Variants in THSD7B observed in about 807,000 individuals in gnomAD.
THSD7B encodes thrombospondin type 1 domain containing 7B, also known as thrombospondin type-1 domain-containing protein 7B.
In THSD7B, 138 loss-of-function variants were observed where a neutral mutation model predicts 213.6. The ratio of observed to expected loss-of-function variants is 0.65; its 90% CI spans 0.56 to 0.74. The LOEUF (loss-of-function observed/expected upper bound fraction) is 0.74. Ranked by LOEUF, THSD7B falls within the 30% of genes least tolerant of loss-of-function variation. The probability of loss-of-function intolerance (pLI) is 0.00; values close to 1 mark genes in which losing one functional copy is unlikely to be tolerated. For synonymous variants in THSD7B, 742 were observed against 687.0 expected (o/e 1.08, Z -1.25); for missense variants, 1,931 against 1,991.5 (o/e 0.97, Z 0.58).
At chr2:137,572,183 C>T (rs1439102788) in intron 16 of THSD7B, among the ~76,000 whole-genome samples, 1 of 152,182 alleles carries the variant, frequency 6.6e-6, no homozygotes, top group Non-Finnish European at 1.5e-5. Flanking sequence ...TGCCTCTAGT[C>T]TTTCCATTGT....
chr2:137,566,567 T>C (rs569149653), intron 16 of THSD7B, among the ~76,000 whole-genome samples: 117 of 152,304 alleles, frequency 7.7e-4, no homozygotes, highest in Non-Finnish European at 1.1e-3. Context: ...TGCCATGCAG[T>C]ATCCACCTCT....
chr2:137,519,119 G>C (rs899906766), intron 15 of THSD7B, among the ~76,000 whole-genome samples: 10 of 152,238 alleles, frequency 6.6e-5, no homozygotes, highest in Admixed American at 3.3e-4. Flanking sequence ...TGGTGTGGTG[G>C]CGTGCGCCTA....
At chr2:137,505,396 G>T (rs1679810962) in intron 15 of THSD7B, among the ~76,000 whole-genome samples, 1 of 152,210 alleles carries the variant, frequency 6.6e-6, no homozygotes, top group Non-Finnish European at 1.5e-5. Flanking sequence ...TGGACCACAG[G>T]TTGGGTCACA....
At chr2:137,561,344 A>C (rs564671748) in intron 15 of THSD7B, among the ~76,000 whole-genome samples, 1 of 152,176 alleles carries the variant, frequency 6.6e-6, no homozygotes, top group South Asian at 2.1e-4. Flanking sequence ...TCTAAGTTCT[A>C]CTTAGTATTG....
At chr2:137,517,542 G>A (rs1192578460) in intron 15 of THSD7B, among the ~76,000 whole-genome samples, 1 of 152,326 alleles carries the variant, frequency 6.6e-6, no homozygotes, top group Admixed American at 6.5e-5. Context: ...TGTCTAGTGG[G>A]CCTATTTGAA....
intron 17 of THSD7B, among the ~76,000 whole-genome samples, chr2:137,585,111 C>G (rs1408942016): frequency 3.3e-5 from 5 of 152,118 alleles, no homozygotes; most frequent in African/African-American, 1.2e-4. Context: ...TCTAGATTTT[C>G]TAGTTTATTT....
chr2:137,533,477 C>A lies in THSD7B; in HGVS notation c.3139-29744C>A, dbSNP rs575723348. On this transcript the variant is annotated intron_variant, in intron 15 of 27. Coordinates refer to ENST00000409968, the MANE Select transcript of THSD7B (RefSeq NM_001316349.2). ...ACTTATTAAAAAAACTTCAACTATTCTGACATTTAGCAAGAAGGTAGCAAA... is the reference window on the plus strand; with the variant it reads ...ACTTATTAAAAAAACTTCAACTATTATGACATTTAGCAAGAAGGTAGCAAA... Among the ~76,000 whole-genome samples, 6 of 152,002 alleles carry A rather than the reference C, an allele frequency of 3.9e-5. No homozygotes were observed. The East Asian group carries it at 1.2e-3, about 30-fold the overall frequency.
intron 2 of THSD7B, among the ~76,000 whole-genome samples, chr2:137,010,077 G>A (rs1686198286): frequency 6.6e-6 from 1 of 152,044 alleles, no homozygotes; most frequent in Non-Finnish European, 1.5e-5. Flanking sequence ...TAAGCTTGAG[G>A]TCTTGTAACT....
intron 12 of THSD7B, among the ~76,000 whole-genome samples, chr2:137,341,962 A>G (rs1403615965): frequency 6.6e-6 from 1 of 151,348 alleles, no homozygotes; most frequent in Middle Eastern, 3.2e-3. Context: ...TGTATTGGCT[A>G]TTCAAGACTT....
chr2:137,294,583 C>CAAAAAA (rs1210363889), intron 12 of THSD7B, among the ~76,000 whole-genome samples: 21 of 73,184 alleles, frequency 2.9e-4, no homozygotes, highest in African/African-American at 6.9e-4. Context: ...AACTCCATCT[C>CAAAAAA]AAAAAAAAAA....
At position 137,667,796 on chromosome 2, in the gene THSD7B, T is replaced by G; in HGVS notation, c.4674T>G (p.Val1558=). The G allele has an allele frequency of 6.2e-7, 1 of 1,606,422 alleles. No homozygotes were observed. Among genetic ancestry groups the G allele is most frequent in the Non-Finnish European group, 8.5e-7 (1 of 1,175,874 alleles). ...LDPDGRVKIW[V]YGVSGGAFLI... ...CAGATGGCCGAGTAAAAATTTGGGT[T>G]TATGGCGTTTCAGGTGGCGCTTTTC... The change falls in exon 27 of 28, where the codon GTT becomes GTG. Residue 1558 remains valine (V), a synonymous_variant. Coordinates refer to ENST00000409968, the MANE Select transcript of THSD7B (RefSeq NM_001316349.2).
rs748732768 is a variant in THSD7B at position 137,663,419 on chromosome 2, A to G, written c.4495A>G (p.Ile1499Val). The G allele has an allele frequency of 6.3e-7, 1 of 1,593,454 alleles. No homozygotes were observed. Among genetic ancestry groups the G allele is most frequent in the East Asian group, 2.3e-5 (1 of 44,360 alleles). The change falls in exon 26 of 28, where the codon ATA (isoleucine) becomes GTA (valine). Residue 1499 changes from isoleucine (I) to valine (V), a missense_variant. Ile to Val is a conservative substitution (Grantham distance 29). Coordinates refer to ENST00000409968, the MANE Select transcript of THSD7B (RefSeq NM_001316349.2). ...TGGTTGTGAGAAGGGCTATACAGAG[A>G]TAATGAAATCAAATGGTTTCCTGGA... is the stretch of plus-strand genomic sequence containing the variant. ...VCGCEKGYTEIMKSNGFLDYC... is the reference protein window; with the variant it reads ...VCGCEKGYTEVMKSNGFLDYC...
At chr2:136,798,202 A>C (rs1682107971) in intron 1 of THSD7B, among the ~76,000 whole-genome samples, 1 of 151,912 alleles carries the variant, frequency 6.6e-6, no homozygotes. Flanking sequence ...TTAGAATAAC[A>C]GGGTTCAGAG....
At position 137,332,677 on chromosome 2, in the gene THSD7B, C is replaced by A. The variant is rs527312505; in HGVS notation, c.2500+56651C>A. 2.6e-5 allele frequency among the ~76,000 whole-genome samples: 4 copies of A among 152,172 alleles called. No homozygotes were observed. In the East Asian group the frequency reaches 7.8e-4, roughly 30 times the overall value. ...ATCTCAAATTGTAGTTCCCATAATC[C>A]CAACATGTGCTGAGAGGGATCTGGT... On this transcript the variant is annotated intron_variant, in intron 12 of 27. Transcript: ENST00000409968.
intron 1 of THSD7B, among the ~76,000 whole-genome samples, chr2:136,843,228 C>T (rs1246846174): frequency 6.6e-6 from 1 of 151,812 alleles, no homozygotes; most frequent in East Asian, 1.9e-4. Flanking sequence ...AAGGCAATGT[C>T]CCATTGTTAC....
intron 12 of THSD7B, among the ~76,000 whole-genome samples, chr2:137,370,169 T>C (rs1000168529): frequency 2.0e-5 from 3 of 152,176 alleles, no homozygotes; most frequent in African/African-American, 7.2e-5. Context: ...ATGTATTTGA[T>C]CTGGTATGCT....
intron 15 of THSD7B, among the ~76,000 whole-genome samples, chr2:137,496,304 A>T (rs931195313): frequency 6.6e-6 from 1 of 152,202 alleles, no homozygotes; most frequent in African/African-American, 2.4e-5. Context: ...GACTTGGACT[A>T]CAGCTGGCCT....
At chr2:137,461,953 C>T (rs536815330) in intron 15 of THSD7B, among the ~76,000 whole-genome samples, 1 of 152,240 alleles carries the variant, frequency 6.6e-6, no homozygotes, top group African/African-American at 2.4e-5. Context: ...GTTAATTAAA[C>T]TTGTCTTTCA....
chr2:137,026,126 A>T (rs1347753842), intron 2 of THSD7B, among the ~76,000 whole-genome samples: 1 of 152,300 alleles, frequency 6.6e-6, no homozygotes, highest in East Asian at 1.9e-4. Flanking sequence ...ATGATAGAAC[A>T]GGGATGGCAG....
Sources: allele counts gnomAD v4.1 joint callset (sites outside exome capture counted in the v4.1 genomes callset), GRCh38; gene constraint gnomAD v4.1.1; transcripts MANE v1.5; gene names NCBI Gene and HGNC (gene_info 2026-07-23, HGNC 2026-07-21).